Variants in KCNIP4 observed in about 807,000 individuals in gnomAD.
The protein encoded by KCNIP4 is potassium voltage-gated channel interacting protein 4.
A neutral mutation model predicts 34.0 loss-of-function variants in KCNIP4; 12 were observed. That is an observed-to-expected ratio of 0.35 (90% confidence interval 0.23 to 0.57). The LOEUF (loss-of-function observed/expected upper bound fraction) is 0.57, where lower values mean the gene tolerates loss of function less well. Among genes scored for constraint, KCNIP4 ranks in the 20% least tolerant of loss-of-function variants. KCNIP4 has a pLI of 0.83. For synonymous variants in KCNIP4, 124 were observed against 102.2 expected (o/e 1.21, Z -1.29); for missense variants, 238 against 311.7 (o/e 0.76, Z 1.78).
At chr4:21,421,171 T>A (rs1345381875) in intron 1 of KCNIP4, among the ~76,000 whole-genome samples, 3 of 152,166 alleles carry the variant, frequency 2.0e-5, no homozygotes, top group African/African-American at 7.2e-5. Context: ...GAGGGAACAC[T>A]TGCACACTGT....
chr4:21,718,484 A>T (rs1714558302), intron 1 of KCNIP4: 1 of 151,886 alleles, frequency 6.6e-6, no homozygotes, highest in Non-Finnish European at 1.5e-5. Context: ...AAGTTCCAGG[A>T]TACATGTGCA....
At chr4:21,241,231 A>G (rs958017154) in intron 1 of KCNIP4, among the ~76,000 whole-genome samples, 1 of 152,236 alleles carries the variant, frequency 6.6e-6, no homozygotes, top group Non-Finnish European at 1.5e-5. Flanking sequence ...GTGAGCAGAT[A>G]TATAATCAAA....
chr4:20,986,184 T>C (rs991808216), intron 1 of KCNIP4, among the ~76,000 whole-genome samples: 3 of 152,182 alleles, frequency 2.0e-5, no homozygotes, highest in African/African-American at 4.8e-5. Context: ...CTCCAAGGTC[T>C]AGTTTCAGCG....
At chr4:20,865,122 T>C (rs1313038331) in intron 2 of KCNIP4, among the ~76,000 whole-genome samples, 1 of 152,102 alleles carries the variant, frequency 6.6e-6, no homozygotes, top group Non-Finnish European at 1.5e-5. Flanking sequence ...AAATCAGGGT[T>C]GGAAGAAAGG....
intron 1 of KCNIP4, among the ~76,000 whole-genome samples, chr4:21,485,851 G>T (rs183177104): frequency 6.6e-6 from 1 of 152,108 alleles, no homozygotes; most frequent in African/African-American, 2.4e-5. Context: ...ACGAACGACC[G>T]TCATAAAGTA....
At chr4:21,029,339 C>T (rs1359681612) in intron 1 of KCNIP4, among the ~76,000 whole-genome samples, 2 of 152,170 alleles carry the variant, frequency 1.3e-5, no homozygotes, top group African/African-American at 2.4e-5. Context: ...GTTCCTACCT[C>T]ATAAGATTGC....
chr4:20,860,994 A>G (rs1005319271), intron 2 of KCNIP4, among the ~76,000 whole-genome samples: 10 of 152,068 alleles, frequency 6.6e-5, no homozygotes, highest in Admixed American at 1.3e-4. Flanking sequence ...ATGACAACAT[A>G]CTCACCATTC....
At chr4:21,454,276 T>C (rs1728745141) in intron 1 of KCNIP4, among the ~76,000 whole-genome samples, 2 of 152,114 alleles carry the variant, frequency 1.3e-5, no homozygotes, top group South Asian at 4.1e-4. Context: ...CAGGGAACTT[T>C]ATTGACTACA....
At chr4:21,333,311 C>T (rs960054763) in intron 1 of KCNIP4, among the ~76,000 whole-genome samples, 2 of 151,526 alleles carry the variant, frequency 1.3e-5, no homozygotes, top group Non-Finnish European at 1.5e-5. Context: ...CCCCAGGGAC[C>T]AGTATGGAGT....
chr4:21,728,123 A>G (rs1479852133), intron 1 of KCNIP4, among the ~76,000 whole-genome samples: 1 of 152,070 alleles, frequency 6.6e-6, no homozygotes, highest in Non-Finnish European at 1.5e-5. Context: ...GTAAACAATG[A>G]CAATTTCCAA....
chr4:20,749,514 A>G (rs1753187602), intron 5 of KCNIP4, 148 bp downstream of exon 5: 6 of 525,568 alleles, frequency 1.1e-5, no homozygotes, highest in African/African-American at 1.9e-5. Context: ...CTTTTGAAAG[A>G]TAATTTTTGG....
chr4:21,116,813 T>TCTTTCTTTTTCTTC (rs1749714161), intron 1 of KCNIP4, among the ~76,000 whole-genome samples: 1 of 152,162 alleles, frequency 6.6e-6, no homozygotes, highest in Non-Finnish European at 1.5e-5. Flanking sequence ...ACTTTTACTT[T>TCTTTCTTTTTCTTC]CTTTCTTTTT....
chr4:21,621,655 G>T (rs1269582775), intron 1 of KCNIP4, among the ~76,000 whole-genome samples: 3 of 152,072 alleles, frequency 2.0e-5, no homozygotes, highest in Admixed American at 2.0e-4. Flanking sequence ...ACCATGTTCG[G>T]CCACTTCTTT....
At chr4:21,634,223 C>CAAAAA (rs376741978) in intron 1 of KCNIP4, among the ~76,000 whole-genome samples, 13 of 112,478 alleles carry the variant, frequency 1.2e-4, no homozygotes, top group South Asian at 3.4e-4. Context: ...GTTCTTTCCT[C>CAAAAA]AAAAAAAAAA....
At chr4:21,073,212 A>G (rs577390049) in intron 1 of KCNIP4, among the ~76,000 whole-genome samples, 6 of 152,052 alleles carry the variant, frequency 3.9e-5, no homozygotes, top group African/African-American at 1.4e-4. Context: ...TGGGGATGGC[A>G]TTGAATCTAT....
At chr4:21,600,296 C>T (rs1004999224) in intron 1 of KCNIP4, among the ~76,000 whole-genome samples, 8 of 152,102 alleles carry the variant, frequency 5.3e-5, no homozygotes, top group East Asian at 1.9e-4. Flanking sequence ...TGGAATGAAG[C>T]TGCTCAAACT....
At chr4:21,603,471 T>A (rs1743378768) in intron 1 of KCNIP4, among the ~76,000 whole-genome samples, 1 of 152,136 alleles carries the variant, frequency 6.6e-6, no homozygotes, top group South Asian at 2.1e-4. Context: ...CAAAATCCAG[T>A]CAAATGTTTT....
At chr4:20,854,053 T>A (rs1023633656) in intron 2 of KCNIP4, among the ~76,000 whole-genome samples, 1 of 152,164 alleles carries the variant, frequency 6.6e-6, no homozygotes, top group Non-Finnish European at 1.5e-5. Context: ...GAATGTCAAC[T>A]AGTACAGCCA....
intron 1 of KCNIP4, among the ~76,000 whole-genome samples, chr4:21,385,423 G>A (rs148484692): frequency 6.6e-6 from 1 of 152,228 alleles, no homozygotes; most frequent in East Asian, 1.9e-4. Context: ...AGAGTATATA[G>A]TACAATGGTT....
Sources: gnomAD v4.1 joint callset for allele counts (sites outside exome capture counted in the v4.1 genomes callset) on GRCh38, gnomAD v4.1.1 for gene constraint, MANE v1.5 for transcripts, NCBI Gene and HGNC (gene_info 2026-07-23, HGNC 2026-07-21) for gene names.